ARMC6: variants seen among roughly 807,000 people sequenced by gnomAD.
ARMC6 encodes armadillo repeat-containing protein 6.
Under a neutral mutation model 49.2 loss-of-function variants are expected in ARMC6, and 43 were observed. The ratio of observed to expected loss-of-function variants is 0.87; its 90% confidence interval spans 0.69 to 1.13. ARMC6 has a LOEUF of 1.13. ARMC6 is among the 50% of genes most tolerant of loss of function. The pLI, the probability that ARMC6 is intolerant of heterozygous loss-of-function variation, is 0.00. For missense variants in ARMC6, 627 were observed against 682.0 expected (o/e 0.92, Z 0.90); for synonymous variants, 262 against 289.6 (o/e 0.90, Z 0.97).
rs758323734 is a variant in ARMC6, at chr19:19,054,179, G to C, written c.881G>C (p.Ser294Thr). 1.9e-6 allele frequency: 3 copies of C among 1,601,456 alleles called. No individual in the cohort carries two copies. The African/African-American group carries it at 4.0e-5, about 22-fold the overall frequency. ...TTCCTGGATAACCCTGGCATCCTGA[G>C]CGAGCTCTGTGGAACCCTGTCCCGC... ...KAFLDNPGILSELCGTLSRLA... is the reference protein window; with the variant it reads ...KAFLDNPGILTELCGTLSRLA... The change falls in exon 6 of 9, where the codon AGC (serine) becomes ACC (threonine). Residue 294 changes from serine (S) to threonine (T), a missense_variant. Transcript: ENST00000535612.
At chr19:19,050,125 A>G (rs1231153068) in intron 4 of ARMC6, among the ~76,000 whole-genome samples, 3 of 152,180 alleles carry the variant, frequency 2.0e-5, no homozygotes, top group Admixed American at 2.0e-4. Flanking sequence ...TCCATAGCAT[A>G]CTATGTGCCT....
Position 19,034,117 on chromosome 19 carries a change from A to T in ARMC6, c.-79-14A>T. 1.2e-6 allele frequency: 1 copy of T among 803,806 alleles called. No homozygotes were observed. The highest frequency in any genetic ancestry group is 2.0e-6 in the Non-Finnish European group (1 of 490,974). The allele number at this position is 803,806 out of a possible 1,614,324, so 49.8% of individuals were successfully genotyped here. A position where few individuals can be genotyped will look rare whatever the true frequency, so the allele number is the denominator to read the frequency against. ...CATTCGCTTTATTTTCATTCATTTT[A>T]TTTATTCATTCAGCACCTGTGCACT... On this transcript the variant is annotated splice_polypyrimidine_tract_variant and intron_variant, in intron 1 of 8. Transcript: ENST00000535612.
In ARMC6 at chr19:19,051,631, G is replaced by T. The variant is rs367736549; in HGVS notation, c.289G>T (p.Asp97Tyr). Reference sequence around the variant, plus strand: ...CTCCCATGTCTCCCAGATGCTCAGTGACCTCCAGGAGTCTGTGGCCAGCTC... The same window carrying T: ...CTCCCATGTCTCCCAGATGCTCAGTTACCTCCAGGAGTCTGTGGCCAGCTC... ...PTHDILQMLS[D>Y]LQESVASSRP... Residue 97 changes from aspartate to tyrosine, a missense_variant, in exon 5 of 9, where the codon GAC becomes TAC. By Grantham distance (160) the Asp-to-Tyr change is radical. Transcript: ENST00000535612. 1 of 1,592,768 alleles carries T rather than the reference G, an allele frequency of 6.3e-7. No individual in the cohort carries two copies. The highest frequency in any genetic ancestry group is 1.3e-5 in the African/African-American group (1 of 74,322).
chr19:19,055,268 C>T lies in ARMC6; in HGVS notation c.1027C>T (p.Leu343Phe). The T allele has an allele frequency of 6.3e-7, 1 of 1,597,158 alleles. No homozygotes were observed. Among genetic ancestry groups the T allele is most frequent in the African/African-American group, 1.3e-5 (1 of 74,604 alleles). The change falls in exon 7 of 9, where the codon CTC becomes TTC. Residue 343 changes from leucine (L) to phenylalanine (F), a missense_variant. Leu to Phe is a conservative substitution (Grantham distance 22). Transcript: ENST00000535612. This position sits in a 1 kb window ranked among gnomAD's most constrained non-coding sequence, Gnocchi z 5.7. Reference protein sequence around the residue: ...QMRDQSGVQELVKQVLSTLRA... With the variant: ...QMRDQSGVQEFVKQVLSTLRA... ...AGCGGGCCTTTCCCTTGTGCAGGAG[C>T]TCGTGAAGCAAGTGCTGAGCACCCT...
At chr19:19,038,463 G>C (rs958371352) in intron 2 of ARMC6, among the ~76,000 whole-genome samples, 1 of 152,234 alleles carries the variant, frequency 6.6e-6, no homozygotes, top group Non-Finnish European at 1.5e-5. Flanking sequence ...TTAACTCTAT[G>C]TCTTGTTCCC....
Position 19,055,746 on chromosome 19 carries a change from G to A in ARMC6, c.1156-45G>A. 6.5e-7 allele frequency: 1 copy of A among 1,527,184 alleles called. No individual in the cohort carries two copies. Among genetic ancestry groups the A allele is most frequent in the Non-Finnish European group, 8.9e-7 (1 of 1,128,478 alleles). 94.6% of individuals were successfully genotyped at this position (1,527,184 alleles called of 1,614,324 possible). A position where few individuals can be genotyped will look rare whatever the true frequency, so the allele number is the denominator to read the frequency against. ...GTGGCCATGGCAGGATGTTGTGGGG[G>A]GTCTATCTGCTGCATCTCAGCCTTT... On this transcript the variant is annotated intron_variant, in intron 7 of 8. Coordinates refer to ENST00000535612, the MANE Select transcript of ARMC6 (RefSeq NM_001199196.2). The surrounding 1 kb of genome is among the most constrained non-coding windows in gnomAD (Gnocchi z 5.7).
intron 3 of ARMC6, among the ~76,000 whole-genome samples, chr19:19,043,537 T>C (rs1260781031): frequency 1.3e-5 from 2 of 152,092 alleles, no homozygotes; most frequent in African/African-American, 2.4e-5. Flanking sequence ...GAGTGGGGTA[T>C]AGAACACTAG....
At chr19:19,040,060 A>G (rs981708842) in intron 2 of ARMC6, among the ~76,000 whole-genome samples, 2 of 152,224 alleles carry the variant, frequency 1.3e-5, no homozygotes, top group African/African-American at 2.4e-5. Context: ...ACAGAGGCCA[A>G]TGGCTTCTGT....
At chr19:19,038,916 C>CACAA (rs2059391300) in intron 2 of ARMC6, among the ~76,000 whole-genome samples, 2 of 150,386 alleles carry the variant, frequency 1.3e-5, no homozygotes, top group South Asian at 2.1e-4. Context: ...CACACACACA[C>CACAA]ACACACACAC....
In ARMC6 at chr19:19,057,544, G is replaced by C; in HGVS notation, c.1422G>C (p.Val474=). The change falls in exon 9 of 9, where the codon GTG becomes GTC. Residue 474 remains valine (V), a synonymous_variant. Transcript: ENST00000535612. ...CTGCCCACCGTGACTGTGAGGACGT[G>C]GCCAAGGCCGCCCTGCGGGACCTGG... The part of the protein sequence containing the change: ...ARSAHRDCED[V]AKAALRDLGC... 6.2e-7 allele frequency: 1 copy of C among 1,613,884 alleles called. No individual in the cohort carries two copies.
chr19:19,052,212 G>T lies in ARMC6; in HGVS notation c.853+17G>T. 6.4e-7 allele frequency: 1 copy of T among 1,564,824 alleles called. No individual in the cohort carries two copies. The highest frequency in any genetic ancestry group is 1.2e-5 in the South Asian group (1 of 81,750). ...CCACCAAAGGTAAGAGCTGGGGGCC[G>T]ACACGAGCCAGCGAACAAAGTGGGC... is the stretch of plus-strand genomic sequence containing the variant. On this transcript the variant is annotated intron_variant, in intron 5 of 8. Coordinates refer to ENST00000535612, the MANE Select transcript of ARMC6 (RefSeq NM_001199196.2).
intron 2 of ARMC6, chr19:19,037,796 G>A: frequency 5.9e-6 from 4 of 675,174 alleles, no homozygotes; most frequent in South Asian, 2.3e-5. Flanking sequence ...TTGTTCCAAA[G>A]GGACGGTGGC....
chr19:19,044,352 C>T (rs2059432598), intron 4 of ARMC6, among the ~76,000 whole-genome samples: 1 of 152,196 alleles, frequency 6.6e-6, no homozygotes, highest in African/African-American at 2.4e-5. Context: ...TCAGGGACAC[C>T]ATAGAGGTGC....
At position 19,057,416 on chromosome 19, in the gene ARMC6, A is replaced by C. The variant is rs771786436; in HGVS notation, c.1294A>C (p.Lys432Gln). ...AGCTCACAGCTGCTCTCTCCTACAGAAACAGGCTTGCATGCTGATCCGAAA... is the reference window on the plus strand; with the variant it reads ...AGCTCACAGCTGCTCTCTCCTACAGCAACAGGCTTGCATGCTGATCCGAAA... ...KAHPQKAGVQKQACMLIRNLV... is the reference protein window; with the variant it reads ...KAHPQKAGVQQQACMLIRNLV... The change falls in exon 9 of 9, where the codon AAA (lysine) becomes CAA (glutamine). Residue 432 changes from lysine (K) to glutamine (Q), a missense_variant and splice_region_variant. By Grantham distance (53) the Lys-to-Gln change is moderately conservative (BLOSUM62 1). Transcript: ENST00000535612. 1 of 1,612,292 alleles carries C rather than the reference A, an allele frequency of 6.2e-7. No individual in the cohort carries two copies. Among genetic ancestry groups the C allele is most frequent in the African/African-American group, 1.3e-5 (1 of 74,876 alleles).
At chr19:19,041,946 G>A (rs2059414698) in intron 2 of ARMC6, among the ~76,000 whole-genome samples, 1 of 151,930 alleles carries the variant, frequency 6.6e-6, no homozygotes, top group Non-Finnish European at 1.5e-5. Flanking sequence ...GGCTTGCTCT[G>A]TTGCCCAGGT....
At chr19:19,054,372 A>G (rs765485776) in intron 6 of ARMC6, 51 bp downstream of exon 6, 20 of 1,447,226 alleles carry the variant, frequency 1.4e-5, no homozygotes, top group South Asian at 8.9e-5. Flanking sequence ...GTCCCAGTCA[A>G]CCGGACGAGC....
At chr19:19,034,864 CTT>C (rs1219565495) in intron 2 of ARMC6, among the ~76,000 whole-genome samples, 11 of 139,318 alleles carry the variant, frequency 7.9e-5, no homozygotes, top group Admixed American at 1.4e-4. Flanking sequence ...CTTGCCTGGC[CTT>C]TTTTTTTTTT....
intron 2 of ARMC6, among the ~76,000 whole-genome samples, chr19:19,041,118 G>A (rs1333407989): frequency 2.6e-5 from 4 of 152,094 alleles, no homozygotes; most frequent in East Asian, 3.9e-4. Context: ...ACAGGAGTGA[G>A]CCACCTAGCC....
chr19:19,036,266 TG>T (rs1011326534), intron 2 of ARMC6, among the ~76,000 whole-genome samples: 2 of 152,168 alleles, frequency 1.3e-5, no homozygotes, highest in Admixed American at 1.3e-4. Flanking sequence ...TTCGCCATGT[TG>T]GTCAGGCTGG....
Sources: gnomAD v4.1 joint callset for allele counts (sites outside exome capture counted in the v4.1 genomes callset) on GRCh38, gnomAD v4.1.1 for gene constraint, Gnocchi (gnomAD v3.1) non-coding constraint, MANE v1.5 for transcripts, NCBI Gene and HGNC (gene_info 2026-07-23, HGNC 2026-07-21) for gene names.